Variants in SPOPL observed in about 807,000 individuals in gnomAD.
SPOPL encodes speckle-type POZ protein-like.
In SPOPL, 23 loss-of-function variants were observed where a neutral mutation model predicts 53.8. The ratio of observed to expected loss-of-function variants is 0.43; its 90% confidence interval spans 0.31 to 0.61. The LOEUF is 0.61. Among genes scored for constraint, SPOPL ranks in the 20% least tolerant of loss-of-function variants. The probability of loss-of-function intolerance (pLI) is 0.12; values close to 1 mark genes in which losing one functional copy is unlikely to be tolerated. For missense variants in SPOPL, 442 were observed against 466.9 expected (o/e 0.95, Z 0.49); for synonymous variants, 164 against 149.7 (o/e 1.10, Z -0.70).
chr2:138,540,395 A>G (rs1222827479), intron 1 of SPOPL, among the ~76,000 whole-genome samples: 3 of 152,174 alleles, frequency 2.0e-5, no homozygotes, highest in Non-Finnish European at 4.4e-5. Flanking sequence ...ATGTTCTTCC[A>G]TTTGTTTGTA....
rs1558885637 is a variant in SPOPL, at chr2:138,571,351, TACTC to T, written c.*2272_*2275del. ...ATGAACATTTCAGCTTCTTCTTACT[TACTC>T]GAGAGTTTATTGCAAATCTTAAGGA... On this transcript the variant is annotated 3_prime_UTR_variant, in exon 11 of 11. Coordinates refer to ENST00000280098, the MANE Select transcript of SPOPL (RefSeq NM_001001664.3). The T allele has an allele frequency of 1.3e-5, 2 of 152,558 alleles. No homozygotes were observed. The highest frequency in any genetic ancestry group is 6.6e-5 in the Admixed American group (1 of 15,254). 9.5% of individuals were successfully genotyped at this position (152,558 alleles called of 1,614,324 possible). A position where few individuals can be genotyped will look rare whatever the true frequency, so the allele number is the denominator to read the frequency against.
Position 138,569,439 on chromosome 2 carries a change from T to G in SPOPL, c.*359T>G, listed in dbSNP as rs918614814. 11 of 168,506 alleles carry G rather than the reference T, an allele frequency of 6.5e-5. No individual in the cohort carries two copies. Among genetic ancestry groups the G allele is most frequent in the African/African-American group, 2.4e-4 (10 of 42,078 alleles). The allele number at this position is 168,506 out of a possible 1,614,324, so 10.4% of individuals were successfully genotyped here. A position where few individuals can be genotyped will look rare whatever the true frequency, so the allele number is the denominator to read the frequency against. The stretch of plus-strand genomic sequence containing the variant: ...AAGATACTAAGTTTCAAAAGGATCT[T>G]CCATTATTTTGCAAAAAGAAAAATG... On this transcript the variant is annotated 3_prime_UTR_variant, in exon 11 of 11. Transcript: ENST00000280098.
chr2:138,532,007 G>C (rs901516720), intron 1 of SPOPL, among the ~76,000 whole-genome samples: 1 of 152,112 alleles, frequency 6.6e-6, no homozygotes, highest in Non-Finnish European at 1.5e-5. Context: ...AAGGCTATTT[G>C]TACATTTGAT....
At chr2:138,502,509 A>G (rs552906744) in intron 1 of SPOPL, among the ~76,000 whole-genome samples, 1 of 152,292 alleles carries the variant, frequency 6.6e-6, no homozygotes, top group Admixed American at 6.5e-5. Flanking sequence ...AAAGGCAGAA[A>G]CTGCATGCTC....
chr2:138,506,870 G>A (rs1043117812), intron 1 of SPOPL, among the ~76,000 whole-genome samples: 2 of 152,154 alleles, frequency 1.3e-5, no homozygotes, highest in African/African-American at 4.8e-5. Flanking sequence ...AGATAGTATG[G>A]AGAAGATAAG....
intron 1 of SPOPL, among the ~76,000 whole-genome samples, chr2:138,522,718 A>G (rs746686557): frequency 3.9e-5 from 6 of 152,094 alleles, no homozygotes; most frequent in Non-Finnish European, 7.4e-5. Context: ...CAGCTCTGCC[A>G]CTTAGTCTAA....
chr2:138,537,316 C>T (rs917772132), intron 1 of SPOPL, among the ~76,000 whole-genome samples: 2 of 152,000 alleles, frequency 1.3e-5, no homozygotes, highest in African/African-American at 4.8e-5. Context: ...AGGGTGTCCA[C>T]GTGAGAGGGT....
In SPOPL at chr2:138,573,359, G is replaced by C. The variant is rs1009934422; in HGVS notation, c.*4279G>C. On this transcript the variant is annotated 3_prime_UTR_variant, in exon 11 of 11. Coordinates refer to ENST00000280098, the MANE Select transcript of SPOPL (RefSeq NM_001001664.3). Reference sequence around the variant, plus strand: ...GCATAGTAATTGTCTTTTCTACATAGGGGAGCTCTTGTTTTTTGGAACCAA... The same window carrying C: ...GCATAGTAATTGTCTTTTCTACATACGGGAGCTCTTGTTTTTTGGAACCAA... 6.6e-6 allele frequency: 1 copy of C among 152,018 alleles called. No homozygotes were observed. The highest frequency in any genetic ancestry group is 2.4e-5 in the African/African-American group (1 of 41,396). The allele number at this position is 152,018 out of a possible 1,614,324, so 9.4% of individuals were successfully genotyped here. A position where few individuals can be genotyped will look rare whatever the true frequency, so the allele number is the denominator to read the frequency against.
Position 138,568,949 on chromosome 2 carries a change from A to G in SPOPL, c.1048A>G (p.Ile350Val), listed in dbSNP as rs1337098084. 2 of 1,613,746 alleles carry G rather than the reference A, an allele frequency of 1.2e-6. No individual in the cohort carries two copies. The highest frequency in any genetic ancestry group is 1.1e-5 in the South Asian group (1 of 91,006). The change falls in exon 11 of 11, where the codon ATA becomes GTA. Residue 350 changes from isoleucine (I) to valine (V), a missense_variant. Ile to Val is a conservative substitution (Grantham distance 29). Transcript: ENST00000280098. Reference protein sequence around the residue: ...KNWNSNQATDIMETSGWKSMI... With the variant: ...KNWNSNQATDVMETSGWKSMI... Reference sequence around the variant, plus strand: ...TCTATTTTTCAGCCAAGCAACCGACATAATGGAAACATCAGGGTGGAAGTC... The same window carrying G: ...TCTATTTTTCAGCCAAGCAACCGACGTAATGGAAACATCAGGGTGGAAGTC...
At chr2:138,557,183 T>C (rs1337966888) in intron 5 of SPOPL, among the ~76,000 whole-genome samples, 6 of 151,766 alleles carry the variant, frequency 4.0e-5, no homozygotes, top group African/African-American at 4.8e-5. Context: ...AATCTGGAGA[T>C]TTAGGTCTAG....
Position 138,550,827 on chromosome 2 carries a change from T to TTCTCTCTCTC in SPOPL, c.201-63_201-54dup, listed in dbSNP as rs66690846. The TTCTCTCTCTC allele has an allele frequency of 9.6e-4, 1,310 of 1,368,084 alleles. 2 individuals carry two copies. Among genetic ancestry groups the TTCTCTCTCTC allele is most frequent in the African/African-American group, 9.1e-3 (621 of 68,490 alleles). The allele number at this position is 1,368,084 out of a possible 1,614,324, so 84.7% of individuals were successfully genotyped here. A position where few individuals can be genotyped will look rare whatever the true frequency, so the allele number is the denominator to read the frequency against. ...TGATTTCAGTGTTCTCTCTCTCTCTTTCTCTCTCTCTCTCTCTCTCTCGAA... is the reference window on the plus strand; with the variant it reads ...TGATTTCAGTGTTCTCTCTCTCTCTTTCTCTCTCTCTCTCTCTCTCTCTCTCTCTCTCGAA... On this transcript the variant is annotated intron_variant, in intron 3 of 10. Transcript: ENST00000280098.
At chr2:138,539,624 G>T (rs1315310984) in intron 1 of SPOPL, among the ~76,000 whole-genome samples, 1 of 151,970 alleles carries the variant, frequency 6.6e-6, no homozygotes, top group African/African-American at 2.4e-5. Flanking sequence ...AAATTTGTTT[G>T]AGTTCTTTGT....
At chr2:138,516,968 G>A (rs748389077) in intron 1 of SPOPL, among the ~76,000 whole-genome samples, 3 of 152,092 alleles carry the variant, frequency 2.0e-5, no homozygotes, top group Admixed American at 6.5e-5. Flanking sequence ...TGTTTGTTCC[G>A]TAAATGCTAG....
intron 7 of SPOPL, among the ~76,000 whole-genome samples, chr2:138,559,581 T>C (rs1685501949): frequency 6.6e-6 from 1 of 152,156 alleles, no homozygotes; most frequent in Admixed American, 6.5e-5. Context: ...GGATAGTTGT[T>C]ATCCAAAAGG....
Position 138,552,617 on chromosome 2 carries a change from G to A in SPOPL, c.416G>A (p.Arg139Lys). 1 of 1,613,186 alleles carries A rather than the reference G, an allele frequency of 6.2e-7. No individual in the cohort carries two copies. Residue 139 changes from arginine (R) to lysine (K), a missense_variant, in exon 5 of 11, where the codon AGG becomes AAG. Arg to Lys is a conservative substitution (Grantham distance 26). Transcript: ENST00000280098. ...KDWGFKKFIR[R>K]DFLLDEANGL... Reference sequence around the variant, plus strand: ...TGGGGTTTTAAAAAATTCATTAGAAGGGACTTTTTGCTTGATGAAGCTAAT... The same window carrying A: ...TGGGGTTTTAAAAAATTCATTAGAAAGGACTTTTTGCTTGATGAAGCTAAT...
chr2:138,531,152 G>A (rs563536125), intron 1 of SPOPL, among the ~76,000 whole-genome samples: 34 of 151,730 alleles, frequency 2.2e-4, no homozygotes, highest in African/African-American at 6.3e-4. Context: ...ATGTATAAAT[G>A]TAATTATAAA....
intron 5 of SPOPL, among the ~76,000 whole-genome samples, chr2:138,557,332 A>G (rs922701323): frequency 2.0e-5 from 3 of 152,206 alleles, no homozygotes; most frequent in Admixed American, 6.5e-5. Context: ...CAAAAGGTTA[A>G]TACGTAAATT....
intron 1 of SPOPL, among the ~76,000 whole-genome samples, chr2:138,530,606 AT>A (rs1256331409): frequency 6.6e-6 from 1 of 152,184 alleles, no homozygotes; most frequent in African/African-American, 2.4e-5. Context: ...AGACTTTTAA[AT>A]TATACTTTGG....
Position 138,561,071 on chromosome 2 carries a change from C to T in SPOPL, c.837+144C>T, listed in dbSNP as rs2104902309. 16 of 1,012,608 alleles carry T rather than the reference C, an allele frequency of 1.6e-5. No individual in the cohort carries two copies. In the South Asian group the frequency reaches 2.8e-4, roughly 18 times the overall value. The allele number at this position is 1,012,608 out of a possible 1,614,324, so 62.7% of individuals were successfully genotyped here. On this transcript the variant is annotated intron_variant, in intron 8 of 10. Coordinates refer to ENST00000280098, the MANE Select transcript of SPOPL (RefSeq NM_001001664.3). ...ATGAAATAGCATACAGTGGGGTAAT[C>T]TGGAAATGAAATTTTTTTTTAAAAG...
Sources: allele counts gnomAD v4.1 joint callset (sites outside exome capture counted in the v4.1 genomes callset), GRCh38; gene constraint gnomAD v4.1.1; transcripts MANE v1.5; gene names NCBI Gene and HGNC (gene_info 2026-07-23, HGNC 2026-07-21).